GRID2: variants seen among roughly 807,000 people sequenced by gnomAD.
The protein encoded by GRID2 is glutamate ionotropic receptor delta type subunit 2, also known as glutamate receptor ionotropic, delta-2.
A neutral mutation model predicts 114.8 loss-of-function variants in GRID2; 33 were observed. The observed-to-expected ratio is 0.29, with a 90% CI of 0.22 to 0.38. GRID2 has a LOEUF of 0.38. GRID2 is among the 10% of genes least tolerant of loss of function. GRID2 has a pLI of 1.00. For missense variants in GRID2, 1,184 were observed against 1,257.7 expected (o/e 0.94, Z 0.89); for synonymous variants, 505 against 449.9 (o/e 1.12, Z -1.55).
chr4:92,772,873 A>C (rs897649535), intron 2 of GRID2, among the ~76,000 whole-genome samples: 1 of 152,134 alleles, frequency 6.6e-6, no homozygotes, highest in Non-Finnish European at 1.5e-5. Flanking sequence ...TTCTTACCTC[A>C]CTGAAAGGTG....
intron 1 of GRID2, among the ~76,000 whole-genome samples, chr4:92,488,116 A>G (rs530752203): frequency 6.6e-6 from 1 of 152,206 alleles, no homozygotes; most frequent in East Asian, 1.9e-4. Flanking sequence ...ATATGTAGCT[A>G]TTGCTTGAAT....
intron 13 of GRID2, among the ~76,000 whole-genome samples, chr4:93,518,977 G>A (rs377408274): frequency 1.3e-5 from 2 of 152,118 alleles, no homozygotes; most frequent in Non-Finnish European, 2.9e-5. Flanking sequence ...GTAGGGTCTA[G>A]CAATGCAAAG....
chr4:92,985,469 C>T (rs1446944479), intron 2 of GRID2, among the ~76,000 whole-genome samples: 2 of 152,042 alleles, frequency 1.3e-5, no homozygotes, highest in Non-Finnish European at 2.9e-5. Flanking sequence ...GATCTCCTGA[C>T]GTCGTGATCT....
intron 1 of GRID2, among the ~76,000 whole-genome samples, chr4:92,557,634 T>TATAC (rs1352533789): frequency 8.3e-6 from 1 of 120,400 alleles, no homozygotes; most frequent in Non-Finnish European, 1.8e-5. Context: ...TCACTGCATA[T>TATAC]ATATATATGG....
chr4:92,740,751 G>A (rs528437017), intron 2 of GRID2, among the ~76,000 whole-genome samples: 2 of 147,388 alleles, frequency 1.4e-5, no homozygotes, highest in South Asian at 2.1e-4. Flanking sequence ...TGGATAGATA[G>A]ATAGACAGAT....
intron 1 of GRID2, among the ~76,000 whole-genome samples, chr4:92,551,583 C>A (rs1726592845): frequency 6.6e-6 from 1 of 152,088 alleles, no homozygotes; most frequent in African/African-American, 2.4e-5. Context: ...ATTTATGCAT[C>A]TATTCATGCA....
At chr4:92,540,457 A>G (rs971918968) in intron 1 of GRID2, among the ~76,000 whole-genome samples, 1 of 152,208 alleles carries the variant, frequency 6.6e-6, no homozygotes, top group African/African-American at 2.4e-5. Flanking sequence ...CAAGAAAAAA[A>G]CAACCCCATC....
chr4:92,520,202 T>C (rs1724695655), intron 1 of GRID2, among the ~76,000 whole-genome samples: 2 of 151,886 alleles, frequency 1.3e-5, no homozygotes, highest in African/African-American at 4.8e-5. Context: ...TACTAAACCC[T>C]TCCCCAGAAG....
intron 2 of GRID2, among the ~76,000 whole-genome samples, chr4:92,907,782 G>A (rs1748067504): frequency 1.3e-5 from 2 of 152,066 alleles, no homozygotes; most frequent in Admixed American, 1.3e-4. Context: ...CAAGCACTTT[G>A]GGAGGCCGAC....
rs778555829 is a variant in GRID2, at chr4:92,407,936, A to G, written c.88+103192A>G. ...TTTCTGTGCAGAAGCTCTTTTGTTT[A>G]GTTGGATCCTACTTGTCAATTTTTG... On this transcript the variant is annotated intron_variant, in intron 1 of 15. Coordinates refer to ENST00000282020, the MANE Select transcript of GRID2 (RefSeq NM_001510.4). Among the ~76,000 whole-genome samples the G allele has an allele frequency of 2.4e-4, 37 of 152,172 alleles. 1 individual carries two copies. The highest frequency in any genetic ancestry group is 5.1e-4 in the Non-Finnish European group (35 of 67,982).
chr4:92,512,544 A>C (rs1222176754), intron 1 of GRID2, among the ~76,000 whole-genome samples: 1 of 151,914 alleles, frequency 6.6e-6, no homozygotes, highest in African/African-American at 2.4e-5. Flanking sequence ...GAAAATTACA[A>C]ACTTAAATGA....
Position 92,750,262 on chromosome 4 carries a change from C to G in GRID2, c.244+159976C>G, listed in dbSNP as rs200623657. 2.0e-5 allele frequency among the ~76,000 whole-genome samples: 3 copies of G among 152,324 alleles called. No homozygotes were observed. The East Asian group carries it at 5.8e-4, about 29-fold the overall frequency. On this transcript the variant is annotated intron_variant, in intron 2 of 15. Coordinates refer to ENST00000282020, the MANE Select transcript of GRID2 (RefSeq NM_001510.4). ...CTAGCTTATCCGCTGAACCCAGTAT[C>G]TGTTACTATCTCATTCAGCTAGAAA...
chr4:92,965,475 A>AC (rs1753091085), intron 2 of GRID2, among the ~76,000 whole-genome samples: 1 of 88,578 alleles, frequency 1.1e-5, no homozygotes, highest in South Asian at 3.7e-4. Flanking sequence ...AAAAAAAAAA[A>AC]AAAAAAAAAA....
rs139888290 is a variant in GRID2 at position 92,967,039 on chromosome 4, A to G, written c.245-117956A>G. ...ACACAGGTCAGAAGGGATGAGCATA[A>G]TCAAACCTAGGCAGCCTAATTACAA... is the stretch of plus-strand genomic sequence containing the variant. On this transcript the variant is annotated intron_variant, in intron 2 of 15. Transcript: ENST00000282020. 8.7e-4 allele frequency among the ~76,000 whole-genome samples: 133 copies of G among 152,024 alleles called. 3 individuals are homozygous for G. The highest frequency in any genetic ancestry group is 7.7e-4 in the East Asian group (4 of 5,164).
rs1366947761 is a variant in GRID2, at chr4:92,709,454, C to T, written c.244+119168C>T. On this transcript the variant is annotated intron_variant, in intron 2 of 15. Coordinates refer to ENST00000282020, the MANE Select transcript of GRID2 (RefSeq NM_001510.4). ...ATGATACGCTATTCGCAGTTTGTTGCAATTTTTCAAATGATCTACAAAGTG... is the reference window on the plus strand; with the variant it reads ...ATGATACGCTATTCGCAGTTTGTTGTAATTTTTCAAATGATCTACAAAGTG... Among the ~76,000 whole-genome samples, 5 of 150,494 alleles carry T rather than the reference C, an allele frequency of 3.3e-5. No homozygotes were observed. The Admixed American group carries it at 3.3e-4, about 10-fold the overall frequency.
chr4:92,634,475 C>G (rs1730965401), intron 2 of GRID2, among the ~76,000 whole-genome samples: 1 of 152,038 alleles, frequency 6.6e-6, no homozygotes, highest in Non-Finnish European at 1.5e-5. Context: ...GTGTTTTATT[C>G]ACGTACAACC....
chr4:92,919,057 A>G (rs548072178), intron 2 of GRID2, among the ~76,000 whole-genome samples: 1 of 152,296 alleles, frequency 6.6e-6, no homozygotes, highest in East Asian at 1.9e-4. Context: ...CAGAGATTCA[A>G]CTTCTTCCTG....
intron 12 of GRID2, among the ~76,000 whole-genome samples, chr4:93,499,867 A>G (rs772384895): frequency 4.6e-5 from 7 of 151,950 alleles, no homozygotes; most frequent in Non-Finnish European, 8.8e-5. Flanking sequence ...TATCATCTCT[A>G]TTTTATAGAT....
At chr4:92,410,557 C>T (rs549275293) in intron 1 of GRID2, among the ~76,000 whole-genome samples, 1 of 152,246 alleles carries the variant, frequency 6.6e-6, no homozygotes, top group African/African-American at 2.4e-5. Flanking sequence ...ACTAGAGATA[C>T]AGTTTTCATA....
Sources: allele counts gnomAD v4.1 joint callset (sites outside exome capture counted in the v4.1 genomes callset), GRCh38; gene constraint gnomAD v4.1.1; transcripts MANE v1.5; gene names NCBI Gene and HGNC (gene_info 2026-07-23, HGNC 2026-07-21).